Variants in CDON observed in about 807,000 individuals in gnomAD.
CDON encodes cell adhesion molecule-related/down-regulated by oncogenes.
A neutral mutation model predicts 120.9 loss-of-function variants in CDON; 73 were observed. The observed-to-expected ratio is 0.60, with a 90% CI of 0.50 to 0.73. The LOEUF (loss-of-function observed/expected upper bound fraction) is 0.73. Ranked by LOEUF, CDON falls within the 30% of genes least tolerant of loss-of-function variation. The probability of loss-of-function intolerance (pLI) is 0.00; values close to 1 mark genes in which losing one functional copy is unlikely to be tolerated. For missense variants in CDON, 1,470 were observed against 1,587.3 expected, an observed-to-expected ratio of 0.93 and a Z score of 1.26; for synonymous variants, 566 against 573.5, an observed-to-expected ratio of 0.99 and a Z score of 0.19.
intron 12 of CDON, 103 bp from the exon 13 acceptor site, chr11:125,995,155 G>A: frequency 1.1e-6 from 1 of 934,314 alleles, no homozygotes. Flanking sequence ...TATGGCAATT[G>A]TGCTGAAGTA....
rs1031125317 is a variant in CDON, at chr11:126,015,605, A to G, written c.929-95T>C. The G allele has an allele frequency of 2.3e-5, 30 of 1,298,900 alleles. No individual in the cohort carries two copies. The African/African-American group carries it at 4.0e-4, about 17-fold the overall frequency. 80.5% of individuals were successfully genotyped at this position (1,298,900 alleles called of 1,614,324 possible). On this transcript the variant is annotated intron_variant, in intron 6 of 19. Transcript: ENST00000531738. ...AAAAATCTTCTCTCTACCAATAACC[A>G]GTTGAAACAAAGTTGCATTGTTTAT...
At chr11:126,051,168 C>T (rs1266195521) in intron 1 of CDON, among the ~76,000 whole-genome samples, 1 of 152,128 alleles carries the variant, frequency 6.6e-6, no homozygotes, top group African/African-American at 2.4e-5. Context: ...GATTCCATGG[C>T]CAGCTGACAC....
At chr11:125,971,517 AAC>A (rs1945999181) in intron 18 of CDON, among the ~76,000 whole-genome samples, 1 of 152,316 alleles carries the variant, frequency 6.6e-6, no homozygotes, top group Admixed American at 6.5e-5. Context: ...TCCCAAATCC[AAC>A]ACACAGACTT....
Position 126,017,182 on chromosome 11 carries a change from A to G in CDON, c.834T>C (p.Asp278=). Reference sequence around the variant, plus strand: ...TTCCGGAGTCCGCCGGGTCAACGCTATCAGTGGCAAGATGAGAATACAACC... The same window carrying G: ...TTCCGGAGTCCGCCGGGTCAACGCTGTCAGTGGCAAGATGAGAATACAACC... ...WRRLYSHLAT[D]SVDPADSGNY... The change falls in exon 6 of 20, where the codon GAT becomes GAC. Residue 278 remains aspartate, a synonymous_variant. Transcript: ENST00000531738. The G allele has an allele frequency of 1.2e-6, 2 of 1,614,192 alleles. No homozygotes were observed. The highest frequency in any genetic ancestry group is 1.1e-5 in the South Asian group (1 of 91,080).
chr11:126,010,374 C>T lies in CDON; in HGVS notation c.1519G>A (p.Gly507Ser). 6.2e-7 allele frequency: 1 copy of T among 1,613,158 alleles called. No individual in the cohort carries two copies. The highest frequency in any genetic ancestry group is 8.5e-7 in the Non-Finnish European group (1 of 1,179,684). ...AGAGATGCTTCTGCCTGTGTGGTAC[C>T]ATGTTCATTTGCAGCTTCGCAGATG... ...KYICEAANEH[G>S]TTQAEASLMV... Residue 507 changes from glycine (G) to serine (S), a missense_variant, in exon 8 of 20, where the codon GGT becomes AGT. Coordinates refer to ENST00000531738, the MANE Select transcript of CDON (RefSeq NM_001378964.1).
At chr11:126,041,500 C>T (rs1948261892) in intron 1 of CDON, among the ~76,000 whole-genome samples, 1 of 152,178 alleles carries the variant, frequency 6.6e-6, no homozygotes, top group Non-Finnish European at 1.5e-5. Flanking sequence ...TTTTACTGAA[C>T]ATAGTTGGGC....
At chr11:125,962,377 A>G (rs1487979204) in intron 18 of CDON, among the ~76,000 whole-genome samples, 1 of 152,226 alleles carries the variant, frequency 6.6e-6, no homozygotes, top group African/African-American at 2.4e-5. Flanking sequence ...AAAGAGGAAG[A>G]GGAGGACAGG....
At chr11:126,059,119 T>C (rs980167130) in intron 1 of CDON, among the ~76,000 whole-genome samples, 2 of 152,266 alleles carry the variant, frequency 1.3e-5, no homozygotes, top group Non-Finnish European at 2.9e-5. Flanking sequence ...ACATGAAGTC[T>C]GATTTTGCTC....
At chr11:125,968,029 A>T (rs539228629) in intron 18 of CDON, among the ~76,000 whole-genome samples, 4 of 152,332 alleles carry the variant, frequency 2.6e-5, no homozygotes, top group Non-Finnish European at 1.5e-5. Context: ...GCTAAAACCT[A>T]TATTTTAAAG....
chr11:125,964,836 TAGAG>T (rs1450471995), intron 18 of CDON, among the ~76,000 whole-genome samples: 5 of 152,180 alleles, frequency 3.3e-5, no homozygotes, highest in African/African-American at 9.7e-5. Context: ...ATTATGGAAT[TAGAG>T]AGGAAGAAGG....
intron 10 of CDON, among the ~76,000 whole-genome samples, chr11:126,002,998 C>T (rs1591374250): frequency 6.6e-6 from 1 of 152,124 alleles, no homozygotes; most frequent in Admixed American, 6.5e-5. Flanking sequence ...CTTTCTACTT[C>T]CCCTCCTTCA....
At chr11:125,962,699 T>A (rs1945678513) in intron 18 of CDON, among the ~76,000 whole-genome samples, 1 of 152,246 alleles carries the variant, frequency 6.6e-6, no homozygotes, top group Non-Finnish European at 1.5e-5. Context: ...ATCTATCTTC[T>A]TGTCCATTAA....
intron 4 of CDON, among the ~76,000 whole-genome samples, chr11:126,019,155 A>G (rs1379028871): frequency 2.0e-5 from 3 of 152,270 alleles, no homozygotes; most frequent in Admixed American, 2.0e-4. Context: ...TTCTGCCAAC[A>G]ATGGCCAGGC....
At chr11:126,027,374 G>A (rs1353862718) in intron 1 of CDON, among the ~76,000 whole-genome samples, 3 of 151,958 alleles carry the variant, frequency 2.0e-5, no homozygotes, top group African/African-American at 7.3e-5. Flanking sequence ...TAGTACTACT[G>A]GAAAATCTTT....
chr11:125,998,471 C>T (rs1315567707), intron 11 of CDON, among the ~76,000 whole-genome samples: 3 of 152,128 alleles, frequency 2.0e-5, no homozygotes, highest in Non-Finnish European at 2.9e-5. Flanking sequence ...TGTGCCTGCT[C>T]TCGCTTCACC....
chr11:125,960,379 C>A lies in CDON; in HGVS notation c.*563G>T, dbSNP rs1285420736. The A allele has an allele frequency of 6.5e-6, 1 of 153,956 alleles. No homozygotes were observed. Among genetic ancestry groups the A allele is most frequent in the Non-Finnish European group, 1.4e-5 (1 of 69,366 alleles). 9.5% of individuals were successfully genotyped at this position (153,956 alleles called of 1,614,324 possible). ...TGGTGGCAGGTGCCTGTAGTCCCAG[C>A]TACTCAGGAGGCTGAGGCGGGAGAA... On this transcript the variant is annotated 3_prime_UTR_variant, in exon 20 of 20. Coordinates refer to ENST00000531738, the MANE Select transcript of CDON (RefSeq NM_001378964.1).
At chr11:125,977,183 T>TA (rs1946171125) in intron 18 of CDON, among the ~76,000 whole-genome samples, 1 of 152,182 alleles carries the variant, frequency 6.6e-6, no homozygotes, top group Non-Finnish European at 1.5e-5. Context: ...ACCAGGGTCA[T>TA]ATAGAATTTA....
Position 125,997,327 on chromosome 11 carries a change from C to T in CDON, c.2242G>A (p.Gly748Ser), listed in dbSNP as rs1433190946. Residue 748 changes from glycine (G) to serine (S), a missense_variant, in exon 12 of 20, where the codon GGT becomes AGT. Physicochemically the swap from Gly to Ser is moderately conservative, Grantham distance 56. Coordinates refer to ENST00000531738, the MANE Select transcript of CDON (RefSeq NM_001378964.1). Reference protein sequence around the residue: ...YVTWIPRANGGSPITAFKVEY... With the variant: ...YVTWIPRANGSSPITAFKVEY... ...ACTTTGAAGGCAGTGATTGGAGAAC[C>T]CCCGTTTGCCCGAGGAATCCAAGTG... is the stretch of plus-strand genomic sequence containing the variant. The T allele has an allele frequency of 5.8e-5, 93 of 1,613,914 alleles. No homozygotes were observed. The highest frequency in any genetic ancestry group is 7.8e-5 in the Non-Finnish European group (92 of 1,179,972).
intron 4 of CDON, among the ~76,000 whole-genome samples, chr11:126,019,304 G>A (rs1368278281): frequency 2.0e-5 from 3 of 152,158 alleles, no homozygotes; most frequent in Non-Finnish European, 1.5e-5. Context: ...ACAGTATCAG[G>A]TGTGATCAAT....
Sources: gnomAD v4.1 joint callset for allele counts (sites outside exome capture counted in the v4.1 genomes callset) on GRCh38, gnomAD v4.1.1 for gene constraint, MANE v1.5 for transcripts, NCBI Gene and HGNC (gene_info 2026-07-23, HGNC 2026-07-21) for gene names.